The following ZNF804A variants were observed in gnomAD, a reference collection of about 807,000 sequenced individuals.
ZNF804A encodes the protein zinc finger protein 804A.
In ZNF804A, 2 loss-of-function variants were observed where a neutral mutation model predicts 16.5. The ratio of observed to expected loss-of-function variants is 0.12; its 90% CI spans 0.05 to 0.38. ZNF804A has a LOEUF of 0.38. Among genes scored for constraint, ZNF804A ranks in the 10% least tolerant of loss-of-function variants. ZNF804A has a pLI of 0.99. For synonymous variants in ZNF804A, 534 were observed against 489.6 expected (o/e 1.09, Z -1.20); for missense variants, 1,473 against 1,390.7 (o/e 1.06, Z -0.94).
At chr2:184,920,325 G>A (rs1162371364) in intron 2 of ZNF804A, among the ~76,000 whole-genome samples, 3 of 152,160 alleles carry the variant, frequency 2.0e-5, no homozygotes, top group Non-Finnish European at 4.4e-5. Context: ...GCTACCATGC[G>A]ACTATGAGCA....
At chr2:184,626,004 G>A (rs1045819092) in intron 1 of ZNF804A, among the ~76,000 whole-genome samples, 17 of 152,182 alleles carry the variant, frequency 1.1e-4, no homozygotes, top group Admixed American at 3.3e-4. Context: ...AGGTAGCTGG[G>A]ACTACAGGTG....
At chr2:184,894,452 C>T (rs562179877) in intron 2 of ZNF804A, among the ~76,000 whole-genome samples, 5 of 151,870 alleles carry the variant, frequency 3.3e-5, no homozygotes, top group African/African-American at 4.8e-5. Context: ...TTTTTATTAA[C>T]GTATTTTTAT....
chr2:184,731,509 C>G (rs1362578570), intron 1 of ZNF804A, among the ~76,000 whole-genome samples: 1 of 149,126 alleles, frequency 6.7e-6, no homozygotes, highest in African/African-American at 2.5e-5. Flanking sequence ...TTTTTCTATG[C>G]TCATTTTTCA....
At chr2:184,634,384 C>T (rs1271101387) in intron 1 of ZNF804A, among the ~76,000 whole-genome samples, 1 of 152,112 alleles carries the variant, frequency 6.6e-6, no homozygotes, top group Admixed American at 6.5e-5. Context: ...GAATTTATTA[C>T]TTTTAAAAGT....
At chr2:184,892,419 C>T (rs996264913) in intron 2 of ZNF804A, among the ~76,000 whole-genome samples, 2 of 150,212 alleles carry the variant, frequency 1.3e-5, no homozygotes, top group African/African-American at 4.9e-5. Flanking sequence ...TGAGAAATGA[C>T]AGAAGAGGAA....
intron 1 of ZNF804A, among the ~76,000 whole-genome samples, chr2:184,813,822 GTTC>G (rs1479882373): frequency 4.6e-5 from 7 of 151,664 alleles, no homozygotes; most frequent in Admixed American, 3.9e-4. Flanking sequence ...AACATACCTT[GTTC>G]TTCTTTCCTC....
At chr2:184,655,672 T>C (rs1381620188) in intron 1 of ZNF804A, among the ~76,000 whole-genome samples, 1 of 152,128 alleles carries the variant, frequency 6.6e-6, no homozygotes. Flanking sequence ...TAGAATGGAA[T>C]TCTCTAGAGG....
At chr2:184,671,657 G>T (rs72899950) in intron 1 of ZNF804A, among the ~76,000 whole-genome samples, 7,886 of 152,196 alleles carry the variant, frequency 0.052, 257 homozygotes, top group Non-Finnish European at 0.077. Flanking sequence ...ACTTGATATT[G>T]ATTGAATAAA....
chr2:184,616,481 G>T (rs954786277), intron 1 of ZNF804A, among the ~76,000 whole-genome samples: 1 of 152,038 alleles, frequency 6.6e-6, no homozygotes, highest in African/African-American at 2.4e-5. Flanking sequence ...TTCAGTGTCT[G>T]GCATATAATA....
intron 2 of ZNF804A, among the ~76,000 whole-genome samples, chr2:184,881,049 A>G (rs1477877811): frequency 6.6e-6 from 1 of 152,086 alleles, no homozygotes; most frequent in Non-Finnish European, 1.5e-5. Flanking sequence ...TTATAGGTGG[A>G]ATGTCTATTT....
chr2:184,740,776 T>A (rs1292488836), intron 1 of ZNF804A, among the ~76,000 whole-genome samples: 2 of 152,180 alleles, frequency 1.3e-5, no homozygotes, highest in Non-Finnish European at 2.9e-5. Context: ...ATGGGGGATT[T>A]CAACCATAAA....
chr2:184,701,287 G>A (rs754939913), intron 1 of ZNF804A, among the ~76,000 whole-genome samples: 1 of 151,848 alleles, frequency 6.6e-6, no homozygotes, highest in Non-Finnish European at 1.5e-5. Flanking sequence ...GACTTGAAGT[G>A]TTTCCAGGTA....
chr2:184,650,629 A>G (rs1691966290), intron 1 of ZNF804A, among the ~76,000 whole-genome samples: 2 of 152,190 alleles, frequency 1.3e-5, no homozygotes, highest in Non-Finnish European at 2.9e-5. Context: ...ATACAAAATC[A>G]GTAGCATTTC....
At chr2:184,873,728 A>G (rs1350541136) in intron 2 of ZNF804A, among the ~76,000 whole-genome samples, 1 of 152,170 alleles carries the variant, frequency 6.6e-6, no homozygotes, top group Non-Finnish European at 1.5e-5. Context: ...ATTTGAGGAC[A>G]TTTTACAAAA....
chr2:184,710,547 A>G (rs1327022771), intron 1 of ZNF804A, among the ~76,000 whole-genome samples: 1 of 151,578 alleles, frequency 6.6e-6, no homozygotes, highest in Non-Finnish European at 1.5e-5. Context: ...GCCTCTCAAC[A>G]AAGTTTTAAG....
At chr2:184,694,553 A>G (rs1161025514) in intron 1 of ZNF804A, among the ~76,000 whole-genome samples, 1 of 152,210 alleles carries the variant, frequency 6.6e-6, no homozygotes. Context: ...AACATTTTAA[A>G]TAACCTAAGA....
Position 184,754,334 on chromosome 2 carries a change from G to T in ZNF804A, c.112-112035G>T, listed in dbSNP as rs531922836. ...ATACCAATATGTGAAAACATTTGGG[G>T]TTGATAAATAACAATTGGTAAATAG... On this transcript the variant is annotated intron_variant, in intron 1 of 3. Coordinates refer to ENST00000302277, the MANE Select transcript of ZNF804A (RefSeq NM_194250.2). Among the ~76,000 whole-genome samples the T allele has an allele frequency of 5.9e-5, 9 of 151,978 alleles. No individual in the cohort carries two copies. The South Asian group carries it at 1.9e-3, about 31-fold the overall frequency.
chr2:184,618,165 CG>C (rs760472686), intron 1 of ZNF804A, among the ~76,000 whole-genome samples: 28 of 152,128 alleles, frequency 1.8e-4, no homozygotes, highest in Non-Finnish European at 3.2e-4. Flanking sequence ...TTAGGAAACA[CG>C]TTTATAAATC....
intron 1 of ZNF804A, among the ~76,000 whole-genome samples, chr2:184,832,705 T>C (rs1695283803): frequency 6.6e-6 from 1 of 151,992 alleles, no homozygotes; most frequent in Non-Finnish European, 1.5e-5. Context: ...TATTGTAAAT[T>C]GCTTGATAAA....
Sources: gnomAD v4.1 joint callset for allele counts (sites outside exome capture counted in the v4.1 genomes callset) on GRCh38, gnomAD v4.1.1 for gene constraint, MANE v1.5 for transcripts, NCBI Gene and HGNC (gene_info 2026-07-23, HGNC 2026-07-21) for gene names.